Variants in IRS2 observed in about 807,000 individuals in gnomAD.
The protein encoded by IRS2 is insulin receptor substrate 2.
IRS2 carries 28 observed loss-of-function variants against 70.9 expected under a neutral mutation model. The observed-to-expected ratio is 0.39, with a 90% CI of 0.29 to 0.54. The LOEUF is 0.54. Among genes scored for constraint, IRS2 ranks in the 20% least tolerant of loss-of-function variants. The pLI is 0.59. For synonymous variants in IRS2, 1,217 were observed against 981.9 expected (o/e 1.24, Z -4.48); for missense variants, 2,081 against 2,024.1 (o/e 1.03, Z -0.54).
In IRS2 at chr13:109,783,859, G is replaced by A. The variant is rs1218471910; in HGVS notation, c.2195C>T (p.Pro732Leu). 6.4e-7 allele frequency: 1 copy of A among 1,557,030 alleles called. No homozygotes were observed. The highest frequency in any genetic ancestry group is 1.4e-5 in the African/African-American group (1 of 73,502). ...ASGGGYKASSPAESSPEDSGY... is the reference protein window; with the variant it reads ...ASGGGYKASSLAESSPEDSGY... ...ACTGTCCTCGGGGGAGCTCTCGGCGGGCGAGCTGGCCTTGTAGCCGCCCCC... is the reference window on the plus strand; with the variant it reads ...ACTGTCCTCGGGGGAGCTCTCGGCGAGCGAGCTGGCCTTGTAGCCGCCCCC... The change falls in exon 1 of 2, where the codon CCC (proline) becomes CTC (leucine). Residue 732 changes from proline (P) to leucine (L), a missense_variant. Around this residue, in one of 4 missense-constraint regions of IRS2, gnomAD observed 1,615 missense variants for 1,459.5 expected, o/e 1.11. Transcript: ENST00000375856.
rs1877643324 is a variant in IRS2, at chr13:109,779,222, T to C, written c.4012+2820A>G. On this transcript the variant is annotated intron_variant, in intron 1 of 1. Transcript: ENST00000375856. ...CTATCACTTATGCAAATACCAAACA[T>C]TACCCACATAACCCCAAAATTATTC... Among the ~76,000 whole-genome samples the C allele has an allele frequency of 1.3e-5, 2 of 152,168 alleles. 1 individual carries two copies. The highest frequency in any genetic ancestry group is 4.1e-4 in the South Asian group (2 of 4,832).
rs1165252898 is a variant in IRS2 at position 109,783,016 on chromosome 13, G to C, written c.3038C>G (p.Pro1013Arg). The C allele has an allele frequency of 5.1e-6, 7 of 1,363,258 alleles. No individual in the cohort carries two copies. In the African/African-American group the frequency reaches 6.2e-5, roughly 12 times the overall value. The allele number at this position is 1,363,258 out of a possible 1,614,324, so 84.4% of individuals were successfully genotyped here. ...CGGACGCGGGGGCAACGGCGGATAC[G>C]GGGAGGAGGCCTCGGGGGACAGGAG... ...DGLLSPEASS[P>R]YPPLPPRPSA... Residue 1013 changes from proline (P) to arginine (R), a missense_variant, in exon 1 of 2, where the codon CCG becomes CGG. Physicochemically the swap from Pro to Arg is moderately radical, Grantham distance 103 (BLOSUM62 -2). This residue lies in a region of IRS2 where 1,615 missense variants were observed against 1,459.5 expected (regional missense o/e 1.11). Transcript: ENST00000375856.
intron 1 of IRS2, among the ~76,000 whole-genome samples, chr13:109,758,880 AGGAAGAGGAAGG>A (rs1248817261): frequency 5.4e-5 from 8 of 148,194 alleles, no homozygotes; most frequent in African/African-American, 9.9e-5. Flanking sequence ...CAAGCGGAAG[AGGAAGAGGAAGG>A]GGAAGAGGAA....
chr13:109,763,474 A>T (rs112347810), intron 1 of IRS2, among the ~76,000 whole-genome samples: 2,219 of 152,338 alleles, frequency 0.015, 18 homozygotes, highest in East Asian at 0.038. Context: ...AATAAATCTA[A>T]TCATTGCTAA....
At position 109,783,382 on chromosome 13, in the gene IRS2, G is replaced by A. The variant is rs1047994235; in HGVS notation, c.2672C>T (p.Thr891Met). Residue 891 changes from threonine (T) to methionine (M), a missense_variant, in exon 1 of 2, where the codon ACG (threonine) becomes ATG (methionine). Physicochemically the swap from Thr to Met is moderately conservative, Grantham distance 81. This residue lies in a region of IRS2 where 1,615 missense variants were observed against 1,459.5 expected (regional missense o/e 1.11). Coordinates refer to ENST00000375856, the MANE Select transcript of IRS2 (RefSeq NM_003749.3). ...LGQRGRAVRP[T>M]RLSLEGLPSL... is the part of the protein sequence containing the mutation. ...GGGCAGCCCCTCCAGGGACAGGCGC[G>A]TGGGCCTCACCGCCCGGCCGCGCTG... 10 of 1,510,006 alleles carry A rather than the reference G, an allele frequency of 6.6e-6. No individual in the cohort carries two copies. Among genetic ancestry groups the A allele is most frequent in the Non-Finnish European group, 8.8e-6 (10 of 1,140,320 alleles). 93.5% of individuals were successfully genotyped at this position (1,510,006 alleles called of 1,614,324 possible).
In IRS2 at chr13:109,786,041, G is replaced by C; in HGVS notation, c.13C>G (p.Pro5Ala). 1 of 1,309,408 alleles carries C rather than the reference G, an allele frequency of 7.6e-7. No homozygotes were observed. The highest frequency in any genetic ancestry group is 9.7e-7 in the Non-Finnish European group (1 of 1,032,626). 81.1% of individuals were successfully genotyped at this position (1,309,408 alleles called of 1,614,324 possible). Residue 5 changes from proline to alanine, a missense_variant, in exon 1 of 2, where the codon CCG (proline) becomes GCG (alanine). Transcript: ENST00000375856. The surrounding 1 kb of genome is among the most constrained non-coding windows in gnomAD (Gnocchi z 4.4). ...GCCGGCCCGGGCGGCCCGTGCCGCG[G>C]CGGGCTCGCCATCGCGGGCGCTTCA... Reference protein sequence around the residue: MASPPRHGPPGPASG... With the variant: MASPARHGPPGPASG...
chr13:109,773,427 C>A (rs1451399744), intron 1 of IRS2, among the ~76,000 whole-genome samples: 2 of 152,178 alleles, frequency 1.3e-5, no homozygotes, highest in Non-Finnish European at 2.9e-5. Context: ...AGAACAAGCA[C>A]CTGTCTTAGA....
rs1877780419 is a variant in IRS2 at position 109,783,246 on chromosome 13, A to G, written c.2808T>C (p.Pro936=). ...ACGAGGCCGCCGACGCCAGCAGGGG[A>G]GGCGCGGGCGGCGACAGGCGGGCCC... ...EPGARLSPPA[P]PLLASAASSS... is the part of the protein sequence containing the mutation. The change falls in exon 1 of 2, where the codon CCT becomes CCC. Residue 936 remains proline, a synonymous_variant. Coordinates refer to ENST00000375856, the MANE Select transcript of IRS2 (RefSeq NM_003749.3). 1.4e-6 allele frequency: 2 copies of G among 1,470,262 alleles called. No homozygotes were observed. The highest frequency in any genetic ancestry group is 5.6e-5 in the East Asian group (2 of 35,958). The allele number at this position is 1,470,262 out of a possible 1,614,324, so 91.1% of individuals were successfully genotyped here. A position where few individuals can be genotyped will look rare whatever the true frequency, so the allele number is the denominator to read the frequency against.
rs1877103840 is a variant in IRS2 at position 109,756,189 on chromosome 13, T to C, written c.*115A>G. Reference sequence around the variant, plus strand: ...CCACAGATGTTTCCAAACACAGTCATTGCTCAGATCCAAAAGAAAACTGCA... The same window carrying C: ...CCACAGATGTTTCCAAACACAGTCACTGCTCAGATCCAAAAGAAAACTGCA... On this transcript the variant is annotated 3_prime_UTR_variant, in exon 2 of 2. Coordinates refer to ENST00000375856, the MANE Select transcript of IRS2 (RefSeq NM_003749.3). The C allele has an allele frequency of 5.5e-6, 5 of 903,422 alleles. No homozygotes were observed. 56.0% of individuals were successfully genotyped at this position (903,422 alleles called of 1,614,324 possible).
chr13:109,782,174 T>TGA lies in IRS2; in HGVS notation c.3878_3879dup (p.Ile1294SerfsTer38). 1 of 1,606,512 alleles carries TGA rather than the reference T, an allele frequency of 6.2e-7. No homozygotes were observed. ...GTGCTGCCGACGCCCACAGCGCTGA[T>TGA]GAGACCCCCGAGGCTTCGGGTCCGG... On this transcript the variant is annotated frameshift_variant, in exon 1 of 2. Transcript: ENST00000375856. LOFTEE classifies it high-confidence loss of function.
rs774725019 is a variant in IRS2 at position 109,782,910 on chromosome 13, C to T, written c.3144G>A (p.Ser1048=). ...CCGGGCCCTGGGCGGTGGCAACGGC[C>T]GAGGCGGGGGGCAGGCGGTACAGCT... ...PGELYRLPPA[S]AVATAQGPGA... Residue 1048 remains serine (S), a synonymous_variant, in exon 1 of 2, where the codon TCG becomes TCA. Coordinates refer to ENST00000375856, the MANE Select transcript of IRS2 (RefSeq NM_003749.3). 1,005 of 1,545,756 alleles carry T rather than the reference C, an allele frequency of 6.5e-4. No homozygotes were observed. The highest frequency in any genetic ancestry group is 8.3e-4 in the Non-Finnish European group (946 of 1,145,054).
At chr13:109,779,325 G>A (rs1877646318) in intron 1 of IRS2, among the ~76,000 whole-genome samples, 1 of 152,230 alleles carries the variant, frequency 6.6e-6, no homozygotes, top group South Asian at 2.1e-4. Flanking sequence ...ACTTCTAAGA[G>A]CCAGGCAGGG....
At chr13:109,779,678 G>A (rs1195357554) in intron 1 of IRS2, among the ~76,000 whole-genome samples, 1 of 152,064 alleles carries the variant, frequency 6.6e-6, no homozygotes, top group Non-Finnish European at 1.5e-5. Flanking sequence ...CGTTGGGCAT[G>A]GTGGACTGAC....
In IRS2 at chr13:109,783,930, C is replaced by T. The variant is rs2138934130; in HGVS notation, c.2124G>A (p.Ala708=). The T allele has an allele frequency of 1.9e-6, 3 of 1,539,240 alleles. No homozygotes were observed. The highest frequency in any genetic ancestry group is 2.6e-6 in the Non-Finnish European group (3 of 1,144,114). The change falls in exon 1 of 2, where the codon GCG becomes GCA. Residue 708 remains alanine, a synonymous_variant. Transcript: ENST00000375856. ...CCGCCGCAGAGGTGGGTGCTGGCCC[C>T]GCAGGCCCCGCAGAAGGCACGGCGG... The part of the protein sequence containing the change: ...AAAAVPSAGP[A]GPAPTSAAGR...
At chr13:109,776,890 C>T (rs1877591592) in intron 1 of IRS2, among the ~76,000 whole-genome samples, 1 of 152,202 alleles carries the variant, frequency 6.6e-6, no homozygotes, top group South Asian at 2.1e-4. Flanking sequence ...GTGTCCCTAT[C>T]TAAACTTGGA....
intron 1 of IRS2, among the ~76,000 whole-genome samples, chr13:109,763,069 T>C (rs1163164227): frequency 2.0e-5 from 3 of 152,214 alleles, no homozygotes; most frequent in Non-Finnish European, 4.4e-5. Flanking sequence ...GGAGCAGCTG[T>C]GACAGAGACT....
In IRS2 at chr13:109,785,541, C is replaced by T. The variant is rs760682558; in HGVS notation, c.513G>A (p.Leu171=). ...CCCCGGCGGCGCCGGCAGAGCCGCC[C>T]AGGGCGCCGGGCAGGGAGGCGCTGC... ...ASCSASLPGA[L]GGSAGAAGAE... is the part of the protein sequence containing the mutation. The change falls in exon 1 of 2, where the codon CTG becomes CTA. Residue 171 remains leucine (L), a synonymous_variant. Transcript: ENST00000375856. This position sits in a 1 kb window ranked among gnomAD's most constrained non-coding sequence, Gnocchi z 9.3. The T allele has an allele frequency of 7.6e-5, 119 of 1,562,440 alleles. No individual in the cohort carries two copies. Among genetic ancestry groups the T allele is most frequent in the Middle Eastern group, 3.7e-4 (2 of 5,354 alleles).
rs1261763346 is a variant in IRS2, at chr13:109,782,927, G to A, written c.3127C>T (p.Arg1043Cys). ...PPPPAPGELY[R>C]LPPASAVATA... is the part of the protein sequence containing the mutation. ...GCAACGGCCGAGGCGGGGGGCAGGC[G>A]GTACAGCTCCCCCGGGGCCGGCGGC... The change falls in exon 1 of 2, where the codon CGC becomes TGC. Residue 1043 changes from arginine (R) to cysteine (C), a missense_variant. This residue lies in a region of IRS2 where 1,615 missense variants were observed against 1,459.5 expected (regional missense o/e 1.11). Coordinates refer to ENST00000375856, the MANE Select transcript of IRS2 (RefSeq NM_003749.3). 2.6e-6 allele frequency: 4 copies of A among 1,519,274 alleles called. No individual in the cohort carries two copies. The highest frequency in any genetic ancestry group is 3.5e-6 in the Non-Finnish European group (4 of 1,133,920). 94.1% of individuals were successfully genotyped at this position (1,519,274 alleles called of 1,614,324 possible).
chr13:109,755,214 C>CT lies in IRS2; in HGVS notation c.*1089dup, dbSNP rs375324802. ...CTCTTTTTATCAGTTTCTTTCTTTC[C>CT]TTTTTTTTTTTTCTTTTTGTTTTTT... is the stretch of plus-strand genomic sequence containing the variant. On this transcript the variant is annotated 3_prime_UTR_variant, in exon 2 of 2. Coordinates refer to ENST00000375856, the MANE Select transcript of IRS2 (RefSeq NM_003749.3). The CT allele has an allele frequency of 0.083, 16,723 of 202,310 alleles. 1,598 individuals carry two copies. Among genetic ancestry groups the CT allele is most frequent in the African/African-American group, 0.28 (11,779 of 41,358 alleles). 12.5% of individuals were successfully genotyped at this position (202,310 alleles called of 1,614,324 possible).
Sources: allele counts gnomAD v4.1 joint callset (sites outside exome capture counted in the v4.1 genomes callset), GRCh38; gene constraint gnomAD v4.1.1; regional missense constraint gnomAD v4.1.1; non-coding constraint Gnocchi (gnomAD v3.1); transcripts MANE v1.5; gene names NCBI Gene and HGNC (gene_info 2026-07-23, HGNC 2026-07-21).